Variants in EGF observed in about 807,000 individuals in gnomAD.
The protein encoded by EGF is epidermal growth factor.
EGF carries 95 observed loss-of-function variants against 143.8 expected under a neutral mutation model. The ratio of observed to expected loss-of-function variants is 0.66; its 90% CI spans 0.56 to 0.78. The LOEUF is 0.78. Among genes scored for constraint, EGF ranks in the 30% least tolerant of loss-of-function variants. The pLI, the probability that EGF is intolerant of heterozygous loss-of-function variation, is 0.00. For missense variants in EGF, 1,320 were observed against 1,470.9 expected, an observed-to-expected ratio of 0.90 and a Z score of 1.68; for synonymous variants, 510 against 510.5, an observed-to-expected ratio of 1.00 and a Z score of 0.01.
intron 23 of EGF, among the ~76,000 whole-genome samples, chr4:110,009,994 G>A (rs1753800732): frequency 6.6e-6 from 1 of 152,172 alleles, no homozygotes; most frequent in South Asian, 2.1e-4. Flanking sequence ...GAGCACTTTG[G>A]GAGGCCAAGG....
At chr4:109,975,844 C>T (rs1748410540) in intron 12 of EGF, among the ~76,000 whole-genome samples, 168 bp from the exon 13 acceptor site, 1 of 152,218 alleles carries the variant, frequency 6.6e-6, no homozygotes, top group African/African-American at 2.4e-5. Flanking sequence ...AATTGCTCTG[C>T]ATTTCAAAAT....
intron 8 of EGF, among the ~76,000 whole-genome samples, chr4:109,962,502 GCAGCT>G (rs1456643282): frequency 6.6e-6 from 1 of 152,176 alleles, no homozygotes; most frequent in African/African-American, 2.4e-5. Context: ...ACAAAGCCAA[GCAGCT>G]AAAAATGTGT....
intron 22 of EGF, among the ~76,000 whole-genome samples, chr4:110,007,276 T>C (rs1322399609): frequency 6.6e-6 from 1 of 152,214 alleles, no homozygotes; most frequent in Non-Finnish European, 1.5e-5. Context: ...CTACTCCTCT[T>C]TCTGTTGTTT....
chr4:110,004,524 A>T lies in EGF; in HGVS notation c.3193A>T (p.Lys1065Ter), dbSNP rs1484403627. 6.2e-7 allele frequency: 1 copy of T among 1,613,984 alleles called. No homozygotes were observed. The highest frequency in any genetic ancestry group is 8.5e-7 in the Non-Finnish European group (1 of 1,179,986). Residue 1065 changes from lysine to a stop codon, truncating the protein, a stop_gained, in exon 22 of 24, where the codon AAA becomes TAA. Coordinates refer to ENST00000265171, the MANE Select transcript of EGF (RefSeq NM_001963.6). LOFTEE classifies it high-confidence loss of function. ...HYYRTQKLLS[K>*]NPKNPYEESS... ...TCACAGGACTCAGAAGCTGCTATCG[A>T]AAAACCCAAAGAATCCTTATGAGGA...
At chr4:109,968,879 A>G in intron 10 of EGF, 92 bp from the exon 11 acceptor site, 3 of 1,565,482 alleles carry the variant, frequency 1.9e-6, no homozygotes, top group South Asian at 2.3e-5. Flanking sequence ...CAAGCTCTTA[A>G]CACCCTGTAC....
chr4:109,983,443 A>G lies in EGF; in HGVS notation c.2393A>G (p.Asn798Ser). 6.2e-7 allele frequency: 1 copy of G among 1,613,702 alleles called. No homozygotes were observed. The highest frequency in any genetic ancestry group is 8.5e-7 in the Non-Finnish European group (1 of 1,179,776). Residue 798 changes from asparagine (N) to serine (S), a missense_variant, in exon 16 of 24, where the codon AAC becomes AGC. By Grantham distance (46) the Asn-to-Ser change is conservative. Coordinates refer to ENST00000265171, the MANE Select transcript of EGF (RefSeq NM_001963.6). ...ATAGGTGGTGAAGTTGATCTAAAGA[A>G]CCAAGTAACACCATTGGACATCTTG... ...LLAGGEVDLKNQVTPLDILSK... is the reference protein window; with the variant it reads ...LLAGGEVDLKSQVTPLDILSK...
In EGF at chr4:109,913,399, G is replaced by T; in HGVS notation, c.64G>T (p.Ala22Ser). ...AAAATTTAGTTTTGTTAGTCTCTCAGCACCGCAGCACTGGAGCTGTCCTGA... is the reference window on the plus strand; with the variant it reads ...AAAATTTAGTTTTGTTAGTCTCTCATCACCGCAGCACTGGAGCTGTCCTGA... ...VSKFSFVSLS[A>S]PQHWSCPEGT... Residue 22 changes from alanine (A) to serine (S), a missense_variant, in exon 1 of 24, where the codon GCA becomes TCA. Around this residue, in one of 5 missense-constraint regions of EGF, gnomAD observed 79 missense variants for 71.2 expected, o/e 1.11. Coordinates refer to ENST00000265171, the MANE Select transcript of EGF (RefSeq NM_001963.6). The T allele has an allele frequency of 6.2e-7, 1 of 1,613,956 alleles. No individual in the cohort carries two copies. The highest frequency in any genetic ancestry group is 8.5e-7 in the Non-Finnish European group (1 of 1,179,922).
chr4:110,004,221 C>CAG lies in EGF; in HGVS notation c.3174-283_3174-282insGA, dbSNP rs762725626. The CAG allele has an allele frequency of 0.012, 4,476 of 384,948 alleles. 23 individuals are homozygous for CAG. The highest frequency in any genetic ancestry group is 0.018 in the South Asian group (849 of 45,994). 23.8% of individuals were successfully genotyped at this position (384,948 alleles called of 1,614,324 possible). A position where few individuals can be genotyped will look rare whatever the true frequency, so the allele number is the denominator to read the frequency against. ...CAACATACATGGGCATACATACACA[C>CAG]ACACACACACACACACACACACACA... On this transcript the variant is annotated intron_variant, in intron 21 of 23. Transcript: ENST00000265171.
chr4:109,947,032 T>G (rs1742981399), intron 5 of EGF, among the ~76,000 whole-genome samples: 1 of 151,928 alleles, frequency 6.6e-6, no homozygotes, highest in Admixed American at 6.6e-5. Context: ...GGCAGGAGGA[T>G]CACTTGAACC....
chr4:109,921,699 G>T lies in EGF; in HGVS notation c.127+8237G>T, dbSNP rs187867016. ...AGGTGGTTCTTTCTGTGGGTAGGTGGTTGCTAGGATACAGATAGTCACAAC... is the reference window on the plus strand; with the variant it reads ...AGGTGGTTCTTTCTGTGGGTAGGTGTTTGCTAGGATACAGATAGTCACAAC... On this transcript the variant is annotated intron_variant, in intron 1 of 23. Transcript: ENST00000265171. Among the ~76,000 whole-genome samples, 94 of 151,626 alleles carry T rather than the reference G, an allele frequency of 6.2e-4. 2 individuals are homozygous for T. Among genetic ancestry groups the T allele is most frequent in the African/African-American group, 2.1e-3 (88 of 40,932 alleles).
chr4:109,955,671 C>T (rs1439377453), intron 5 of EGF, among the ~76,000 whole-genome samples: 1 of 152,138 alleles, frequency 6.6e-6, no homozygotes, highest in African/African-American at 2.4e-5. Flanking sequence ...TGAGTTCTAG[C>T]TCTAAGGTTG....
At position 109,963,308 on chromosome 4, in the gene EGF, G is replaced by A. The variant is rs1249745994; in HGVS notation, c.1438+10G>A. 3.1e-6 allele frequency: 5 copies of A among 1,613,660 alleles called. No homozygotes were observed. The Admixed American group carries it at 5.0e-5, about 16-fold the overall frequency. On this transcript the variant is annotated intron_variant, in intron 9 of 23. Transcript: ENST00000265171. ...AGCTGTGCAGCTTCAGGTTAGTGCT[G>A]TGGTTGTCTGGAACTGTGTCCCTGA...
chr4:109,923,206 T>C (rs1315884637), intron 1 of EGF, among the ~76,000 whole-genome samples: 1 of 151,564 alleles, frequency 6.6e-6, no homozygotes, highest in South Asian at 2.1e-4. Context: ...CCTATAGGTA[T>C]ATATGTATAT....
At chr4:110,004,695 A>G (rs1220521959) in intron 22 of EGF, 73 bp downstream of exon 22, 1 of 1,196,930 alleles carries the variant, frequency 8.4e-7, no homozygotes, top group Admixed American at 2.0e-5. Context: ...CTATTTTTTC[A>G]CTGAGTTCAG....
intron 2 of EGF, among the ~76,000 whole-genome samples, 196 bp from the exon 3 acceptor site, chr4:109,943,058 T>G (rs1334054940): frequency 1.3e-5 from 2 of 152,212 alleles, no homozygotes; most frequent in African/African-American, 2.4e-5. Flanking sequence ...AAATATTTAC[T>G]TAAGGGTCAG....
chr4:109,999,376 G>T (rs1473483661), intron 20 of EGF, among the ~76,000 whole-genome samples: 2 of 152,174 alleles, frequency 1.3e-5, no homozygotes, highest in Non-Finnish European at 2.9e-5. Flanking sequence ...TTAAAAGGTG[G>T]CTCCTCAGGA....
intron 1 of EGF, among the ~76,000 whole-genome samples, chr4:109,924,312 G>T (rs1738276342): frequency 6.7e-6 from 1 of 149,824 alleles, no homozygotes; most frequent in South Asian, 2.1e-4. Flanking sequence ...TCAATGTAAT[G>T]ATTTTATTAG....
At chr4:109,996,740 G>A (rs568596910) in intron 20 of EGF, among the ~76,000 whole-genome samples, 1 of 152,172 alleles carries the variant, frequency 6.6e-6, no homozygotes, top group Admixed American at 6.5e-5. Context: ...GGGTGCCCCC[G>A]GGGTGATGCA....
chr4:110,010,402 T>C (rs1276376266), intron 23 of EGF, among the ~76,000 whole-genome samples: 4 of 133,380 alleles, frequency 3.0e-5, no homozygotes, highest in East Asian at 2.7e-4. Context: ...ACCAAGACTA[T>C]TGTAATTTTT....
Sources: gnomAD v4.1 joint callset for allele counts (sites outside exome capture counted in the v4.1 genomes callset) on GRCh38, gnomAD v4.1.1 for gene constraint, gnomAD v4.1.1 regional missense constraint, MANE v1.5 for transcripts, NCBI Gene and HGNC (gene_info 2026-07-23, HGNC 2026-07-21) for gene names.